ENPP6: variants seen among roughly 807,000 people sequenced by gnomAD.
ENPP6 encodes the protein glycerophosphocholine cholinephosphodiesterase ENPP6.
A neutral mutation model predicts 42.0 loss-of-function variants in ENPP6; 32 were observed. The ratio of observed to expected loss-of-function variants is 0.76; its 90% CI spans 0.58 to 1.02. ENPP6 has a LOEUF of 1.02. ENPP6 is among the 50% of genes least tolerant of loss of function. The pLI is 0.00. For missense variants in ENPP6, 552 were observed against 566.8 expected (o/e 0.97, Z 0.27); for synonymous variants, 213 against 216.0 (o/e 0.99, Z 0.12).
chr4:184,097,541 G>C (rs559647274), intron 6 of ENPP6, among the ~76,000 whole-genome samples, 173 bp from the exon 7 acceptor site: 60 of 152,288 alleles, frequency 3.9e-4, no homozygotes, highest in African/African-American at 1.4e-3. Context: ...CTCAGACCTC[G>C]GGCAGCAGCC....
At chr4:184,196,195 C>T (rs1313506192) in intron 1 of ENPP6, among the ~76,000 whole-genome samples, 1 of 152,222 alleles carries the variant, frequency 6.6e-6, no homozygotes, top group Non-Finnish European at 1.5e-5. Flanking sequence ...TGTCCGGATC[C>T]TTCAGGCTTT....
chr4:184,152,777 C>T (rs898495753), intron 2 of ENPP6, among the ~76,000 whole-genome samples: 5 of 152,214 alleles, frequency 3.3e-5, no homozygotes, highest in Middle Eastern at 3.2e-3. Context: ...AGGCAGTTTG[C>T]ATGACTACTT....
chr4:184,166,227 GAC>G (rs1418394102), intron 1 of ENPP6, among the ~76,000 whole-genome samples: 7 of 152,174 alleles, frequency 4.6e-5, no homozygotes, highest in Admixed American at 2.0e-4. Context: ...GTATGTGCCA[GAC>G]ACAGTCATCG....
Position 184,217,592 on chromosome 4 carries a change from A to G in ENPP6, c.228T>C (p.Tyr76=). Residue 76 remains tyrosine (Y), a synonymous_variant, in exon 1 of 8, where the codon TAT becomes TAC. Coordinates refer to ENST00000296741, the MANE Select transcript of ENPP6 (RefSeq NM_153343.4). ...DFPSLSYPNY[Y]TLMTGRHCEV... is the part of the protein sequence containing the mutation. ...CATGGTACTCACCAGTCATTAGGGT[A>G]TAATAATTGGGATACGAGAGACTAG... 1 of 1,614,208 alleles carries G rather than the reference A, an allele frequency of 6.2e-7. No homozygotes were observed. The highest frequency in any genetic ancestry group is 8.5e-7 in the Non-Finnish European group (1 of 1,180,010).
At chr4:184,145,604 C>T (rs1736905639) in intron 2 of ENPP6, among the ~76,000 whole-genome samples, 1 of 152,202 alleles carries the variant, frequency 6.6e-6, no homozygotes, top group Non-Finnish European at 1.5e-5. Context: ...TCCGACTGTG[C>T]CCCATGTACA....
chr4:184,098,493 G>A (rs3990), intron 6 of ENPP6, among the ~76,000 whole-genome samples: 90,445 of 151,964 alleles, frequency 0.6, 27,157 homozygotes, highest in South Asian at 0.71. Flanking sequence ...TCTTCCTTCT[G>A]GCCCTGCCCT....
chr4:184,121,904 CTAA>C (rs1185688631), intron 3 of ENPP6, among the ~76,000 whole-genome samples: 1 of 152,214 alleles, frequency 6.6e-6, no homozygotes, highest in East Asian at 1.9e-4. Flanking sequence ...GAGACATGTT[CTAA>C]TAATAACACA....
intron 1 of ENPP6, among the ~76,000 whole-genome samples, chr4:184,207,016 G>A (rs1011202850): frequency 1.3e-5 from 2 of 152,236 alleles, no homozygotes; most frequent in Non-Finnish European, 2.9e-5. Context: ...CTAGGCGCTG[G>A]CCAGTTGCTG....
At chr4:184,188,242 G>T (rs1057440641) in intron 1 of ENPP6, among the ~76,000 whole-genome samples, 6 of 152,162 alleles carry the variant, frequency 3.9e-5, no homozygotes, top group Non-Finnish European at 7.4e-5. Context: ...AGTTTCCGTT[G>T]TGCCTGAAGC....
intron 1 of ENPP6, among the ~76,000 whole-genome samples, chr4:184,175,112 T>G (rs943679951): frequency 6.6e-6 from 1 of 152,134 alleles, no homozygotes; most frequent in African/African-American, 2.4e-5. Context: ...CCGCTCTCCC[T>G]CCTTGCCCAG....
intron 1 of ENPP6, among the ~76,000 whole-genome samples, chr4:184,200,293 A>C (rs1405987255): frequency 1.3e-5 from 2 of 152,130 alleles, no homozygotes; most frequent in Non-Finnish European, 2.9e-5. Context: ...GTCCGGACCC[A>C]CTCGGCACAT....
intron 6 of ENPP6, among the ~76,000 whole-genome samples, chr4:184,099,713 C>T (rs1735968304): frequency 6.6e-6 from 1 of 152,228 alleles, no homozygotes; most frequent in South Asian, 2.1e-4. Flanking sequence ...GTCCCTCCTT[C>T]TCCAGCTGTG....
At chr4:184,133,236 T>C (rs1294004076) in intron 2 of ENPP6, among the ~76,000 whole-genome samples, 1 of 152,066 alleles carries the variant, frequency 6.6e-6, no homozygotes, top group Non-Finnish European at 1.5e-5. Flanking sequence ...GTAGATCCAT[T>C]CTGAGAAAAC....
chr4:184,168,834 T>TCGGGGCCTTGAACCTGGAGC (rs1207424419), intron 1 of ENPP6, among the ~76,000 whole-genome samples: 3 of 152,158 alleles, frequency 2.0e-5, no homozygotes, highest in Admixed American at 6.5e-5. Flanking sequence ...AACGCGAGCC[T>TCGGGGCCTTGAACCTGGAGC]CGGGGCCTTG....
chr4:184,092,229 T>A (rs890695311), intron 7 of ENPP6, among the ~76,000 whole-genome samples: 1 of 152,116 alleles, frequency 6.6e-6, no homozygotes, highest in Non-Finnish European at 1.5e-5. Flanking sequence ...GAAACTGCAG[T>A]TTTCTCGGTG....
intron 2 of ENPP6, among the ~76,000 whole-genome samples, chr4:184,134,257 G>A (rs1736692784): frequency 6.6e-6 from 1 of 152,060 alleles, no homozygotes; most frequent in South Asian, 2.1e-4. Context: ...GGGATTACAA[G>A]TGTGCACCAC....
At chr4:184,111,066 TC>T (rs1452577650) in intron 6 of ENPP6, among the ~76,000 whole-genome samples, 3 of 152,132 alleles carry the variant, frequency 2.0e-5, no homozygotes, top group Non-Finnish European at 4.4e-5. Flanking sequence ...TCATTAGTCA[TC>T]CAGCATCTCC....
At chr4:184,114,789 G>GA (rs1560982263) in intron 5 of ENPP6, among the ~76,000 whole-genome samples, 1 of 151,576 alleles carries the variant, frequency 6.6e-6, no homozygotes, top group Admixed American at 6.6e-5. Context: ...AAGAAAAAAA[G>GA]AAAAAACCCA....
intron 1 of ENPP6, among the ~76,000 whole-genome samples, chr4:184,212,127 A>G (rs2111125642): frequency 6.6e-6 from 1 of 152,042 alleles, no homozygotes; most frequent in East Asian, 1.9e-4. Context: ...CCCACAGCCA[A>G]TATCATACTG....
Sources: allele counts gnomAD v4.1 joint callset (sites outside exome capture counted in the v4.1 genomes callset), GRCh38; gene constraint gnomAD v4.1.1; transcripts MANE v1.5; gene names NCBI Gene and HGNC (gene_info 2026-07-23, HGNC 2026-07-21).